Variants in NRG1 observed in about 807,000 individuals in gnomAD.
NRG1 encodes the protein pro-neuregulin-1, membrane-bound isoform.
A neutral mutation model predicts 63.8 loss-of-function variants in NRG1; 18 were observed. The ratio of observed to expected loss-of-function variants is 0.28; its 90% confidence interval spans 0.19 to 0.42. The LOEUF is 0.42. Ranked by LOEUF, NRG1 falls within the 10% of genes least tolerant of loss-of-function variation. NRG1 has a pLI of 1.00. For synonymous variants in NRG1, 302 were observed against 301.3 expected (o/e 1.00, Z -0.02); for missense variants, 762 against 814.7 (o/e 0.94, Z 0.79).
chr8:32,025,225 T>C (rs1440858919), intron 1 of NRG1, among the ~76,000 whole-genome samples: 1 of 152,230 alleles, frequency 6.6e-6, no homozygotes, highest in African/African-American at 2.4e-5. Flanking sequence ...TTACATTTTT[T>C]CTTTTGCAAA....
At chr8:32,763,428 G>C (rs951301473) in intron 11 of NRG1, 10 of 1,522,130 alleles carry the variant, frequency 6.6e-6, no homozygotes, top group Non-Finnish European at 8.9e-6. Context: ...TAAGCTGAGA[G>C]GTTTCCAGGA....
At chr8:32,761,560 A>AATTTTATTTTATTTTATTTTATTTT (rs10566697) in intron 11 of NRG1, among the ~76,000 whole-genome samples, 6 of 138,530 alleles carry the variant, frequency 4.3e-5, no homozygotes, top group African/African-American at 1.3e-4. Flanking sequence ...AAGTCCGCTG[A>AATTTTATTTTATTTTATTTTATTTT]ATTTTATTTT....
intron 1 of NRG1, among the ~76,000 whole-genome samples, chr8:31,925,431 C>T (rs1361749415): frequency 1.3e-5 from 2 of 151,540 alleles, no homozygotes; most frequent in Non-Finnish European, 2.9e-5. Context: ...TCATGTAAAC[C>T]CGATGTAGTT....
intron 1 of NRG1, among the ~76,000 whole-genome samples, chr8:31,758,411 C>T (rs1015922528): frequency 2.0e-5 from 3 of 152,128 alleles, no homozygotes; most frequent in Non-Finnish European, 4.4e-5. Flanking sequence ...AAGACACATG[C>T]ACATGTATGT....
At chr8:32,247,773 C>T (rs1467734442) in intron 1 of NRG1, among the ~76,000 whole-genome samples, 11 of 152,066 alleles carry the variant, frequency 7.2e-5, no homozygotes, top group African/African-American at 2.2e-4. Flanking sequence ...TAAGCAAGGA[C>T]GTGATAAACT....
At chr8:31,805,759 C>T (rs973226907) in intron 1 of NRG1, among the ~76,000 whole-genome samples, 4 of 138,396 alleles carry the variant, frequency 2.9e-5, no homozygotes, top group Admixed American at 2.4e-4. Flanking sequence ...ACCCTGGAGG[C>T]GGAGCTTGCA....
At chr8:32,507,584 C>T (rs1176512671) in intron 1 of NRG1, among the ~76,000 whole-genome samples, 2 of 152,130 alleles carry the variant, frequency 1.3e-5, no homozygotes, top group Non-Finnish European at 2.9e-5. Context: ...AACAAAAAAA[C>T]TAAGTTTATA....
At chr8:31,663,244 A>T (rs1585494251) in intron 1 of NRG1, among the ~76,000 whole-genome samples, 1 of 152,228 alleles carries the variant, frequency 6.6e-6, no homozygotes, top group Non-Finnish European at 1.5e-5. Flanking sequence ...TAAACTTTGT[A>T]TACCCAAGCA....
intron 1 of NRG1, among the ~76,000 whole-genome samples, chr8:32,035,442 G>A (rs997319456): frequency 5.9e-5 from 9 of 151,792 alleles, no homozygotes; most frequent in South Asian, 4.2e-4. Flanking sequence ...GAGTTCTATC[G>A]ATATCTATCA....
intron 1 of NRG1, among the ~76,000 whole-genome samples, chr8:31,677,310 C>T (rs28503463): frequency 0.015 from 2,208 of 151,418 alleles, 69 homozygotes; most frequent in African/African-American, 0.05. Context: ...TTATCTACCA[C>T]TTAAAAAATT....
intron 1 of NRG1, among the ~76,000 whole-genome samples, chr8:31,708,846 G>GT (rs142584353): frequency 0.014 from 2,097 of 152,218 alleles, 48 homozygotes; most frequent in African/African-American, 0.047. Flanking sequence ...GAACAATGGG[G>GT]TTAGAGGGTT....
rs183274260 is a variant in NRG1, at chr8:32,109,956, C to A, written c.37+470525C>A. Among the ~76,000 whole-genome samples the A allele has an allele frequency of 2.6e-3, 402 of 152,238 alleles. 1 individual carries two copies. The highest frequency in any genetic ancestry group is 8.8e-3 in the African/African-American group (366 of 41,552). On this transcript the variant is annotated intron_variant, in intron 1 of 10. Coordinates refer to the NRG1 transcript ENST00000519301. The stretch of plus-strand genomic sequence containing the variant: ...AACTTTCTAGTTATGGCACTTTAGG[C>A]AAATTCAACTTCTCTGAGTCTAGGT...
intron 1 of NRG1, among the ~76,000 whole-genome samples, chr8:31,899,913 G>C (rs775603643): frequency 6.6e-6 from 1 of 152,164 alleles, no homozygotes; most frequent in East Asian, 1.9e-4. Context: ...CTGGTCATCG[G>C]TTTTTCTAAA....
chr8:32,565,515 C>T (rs182186724), intron 1 of NRG1, among the ~76,000 whole-genome samples: 17 of 152,214 alleles, frequency 1.1e-4, no homozygotes, highest in Admixed American at 6.5e-4. Flanking sequence ...TTCACTCTCC[C>T]GCTGTATCTC....
chr8:32,507,070 T>G (rs1234741725), intron 1 of NRG1, among the ~76,000 whole-genome samples: 1 of 152,078 alleles, frequency 6.6e-6, no homozygotes, highest in Non-Finnish European at 1.5e-5. Flanking sequence ...CTGGCATGGT[T>G]TTTGCCCTCA....
At chr8:31,761,474 A>T (rs1257463456) in intron 1 of NRG1, among the ~76,000 whole-genome samples, 1 of 152,006 alleles carries the variant, frequency 6.6e-6, no homozygotes. Flanking sequence ...AATAAATAAA[A>T]ATAAAAATAA....
intron 7 of NRG1, among the ~76,000 whole-genome samples, chr8:32,745,650 G>C (rs187280571): frequency 1.3e-4 from 20 of 151,868 alleles, no homozygotes; most frequent in African/African-American, 4.6e-4. Flanking sequence ...AAAAAATTGT[G>C]TTCATCGATA....
chr8:32,385,290 G>A (rs1348038915), intron 1 of NRG1, among the ~76,000 whole-genome samples: 1 of 152,154 alleles, frequency 6.6e-6, no homozygotes, highest in East Asian at 1.9e-4. Flanking sequence ...CTCCCAAAGT[G>A]CTGGGATTAC....
At position 32,634,099 on chromosome 8, in the gene NRG1, T is replaced by TAAAAA. The variant is rs57478389; in HGVS notation, c.502+17229_502+17233dup. 4.7e-4 allele frequency among the ~76,000 whole-genome samples: 41 copies of TAAAAA among 86,754 alleles called. 3 individuals carry two copies. In the East Asian group the frequency reaches 7.3e-3, roughly 15 times the overall value. 56.9% of individuals were successfully genotyped at this position (86,754 alleles called of 152,430 possible). A position where few individuals can be genotyped will look rare whatever the true frequency, so the allele number is the denominator to read the frequency against. ...TTTGAGGCTGAGCAAGATCTTGTCT[T>TAAAAA]AAAAAAAAAAAAAAAAAAAGGTTGC... On this transcript the variant is annotated intron_variant, in intron 5 of 11. Coordinates refer to ENST00000356819, the Ensembl canonical transcript of NRG1.
Sources: allele counts gnomAD v4.1 joint callset (sites outside exome capture counted in the v4.1 genomes callset), GRCh38; gene constraint gnomAD v4.1.1; transcripts MANE v1.5; gene names NCBI Gene and HGNC (gene_info 2026-07-23, HGNC 2026-07-21).